Variants in TASP1 observed in about 807,000 individuals in gnomAD.
TASP1 encodes threonine aspartase 1.
In TASP1, 16 loss-of-function variants were observed where a neutral mutation model predicts 56.6. The ratio of observed to expected loss-of-function variants is 0.28; its 90% CI spans 0.19 to 0.43. The LOEUF is 0.43. TASP1 is among the 20% of genes least tolerant of loss of function. TASP1 has a pLI of 1.00. For synonymous variants in TASP1, 179 were observed against 184.2 expected, an observed-to-expected ratio of 0.97 and a Z score of 0.23; for missense variants, 393 against 511.6, an observed-to-expected ratio of 0.77 and a Z score of 2.24.
At chr20:13,501,026 T>C (rs2043926570) in intron 10 of TASP1, among the ~76,000 whole-genome samples, 1 of 152,074 alleles carries the variant, frequency 6.6e-6, no homozygotes, top group South Asian at 2.1e-4. Flanking sequence ...CCACTACAGA[T>C]ACTTCTCACC....
chr20:13,270,204 C>A, the TASP1 span, among the ~76,000 whole-genome samples: 1 of 152,198 alleles, frequency 6.6e-6, no homozygotes, highest in African/African-American at 2.4e-5. Flanking sequence ...TCTAAATGAA[C>A]ACCTGTTCTT....
chr20:13,171,344 T>G, the TASP1 span, among the ~76,000 whole-genome samples: 1 of 152,168 alleles, frequency 6.6e-6, no homozygotes, highest in South Asian at 2.1e-4. Context: ...GTTAATATTT[T>G]AAAATGAAAT....
chr20:13,381,718 G>A, the TASP1 span, among the ~76,000 whole-genome samples: 1 of 152,142 alleles, frequency 6.6e-6, no homozygotes, highest in Non-Finnish European at 1.5e-5. Flanking sequence ...TTTGGAGAGG[G>A]CATCAGTGCT....
the TASP1 span, among the ~76,000 whole-genome samples, chr20:13,246,819 G>T: frequency 6.6e-6 from 1 of 151,538 alleles, no homozygotes; most frequent in Non-Finnish European, 1.5e-5. Context: ...GACTGAACTT[G>T]GTTTTTAATA....
At chr20:13,483,475 C>T in intron 10 of TASP1, 138 bp from the exon 11 acceptor site, 1 of 497,688 alleles carries the variant, frequency 2.0e-6, no homozygotes, top group East Asian at 3.2e-5. Flanking sequence ...GATGAAATGA[C>T]TTCCATGAGC....
At chr20:13,627,520 G>A (rs1270803636) in intron 2 of TASP1, among the ~76,000 whole-genome samples, 2 of 152,276 alleles carry the variant, frequency 1.3e-5, no homozygotes, top group Admixed American at 1.3e-4. Context: ...GGGAGGCCGA[G>A]GCGGGTGGAT....
the TASP1 span, among the ~76,000 whole-genome samples, chr20:13,220,814 C>T: frequency 6.6e-6 from 1 of 152,228 alleles, no homozygotes; most frequent in South Asian, 2.1e-4. Context: ...TCCGGCGCCC[C>T]CTCCGTTTTC....
intron 4 of TASP1, among the ~76,000 whole-genome samples, chr20:13,604,306 G>A (rs1248976527): frequency 6.6e-6 from 1 of 152,136 alleles, no homozygotes; most frequent in African/African-American, 2.4e-5. Context: ...TGTTCTCACA[G>A]TAATTAGTAA....
the TASP1 span, among the ~76,000 whole-genome samples, chr20:13,354,100 T>G: frequency 6.6e-6 from 1 of 152,150 alleles, no homozygotes; most frequent in Non-Finnish European, 1.5e-5. Context: ...GATAGCTCAT[T>G]TTTTTGAAAT....
chr20:13,574,444 C>T (rs142738651), intron 6 of TASP1, among the ~76,000 whole-genome samples: 1 of 152,182 alleles, frequency 6.6e-6, no homozygotes, highest in Admixed American at 6.5e-5. Flanking sequence ...ATAAAAATTA[C>T]CAAGTATGCA....
At chr20:13,310,137 A>G in the TASP1 span, among the ~76,000 whole-genome samples, 170 of 152,352 alleles carry the variant, frequency 1.1e-3, 1 homozygote, top group African/African-American at 3.6e-3. Context: ...AGCCAAAGCA[A>G]TCTTGAGCAA....
chr20:13,416,913 T>C (rs1022673708), intron 13 of TASP1, among the ~76,000 whole-genome samples: 1 of 152,198 alleles, frequency 6.6e-6, no homozygotes, highest in African/African-American at 2.4e-5. Context: ...ATGTGGGACA[T>C]GGACAGAGAC....
At chr20:13,346,238 A>T in the TASP1 span, among the ~76,000 whole-genome samples, 136 of 152,314 alleles carry the variant, frequency 8.9e-4, no homozygotes, top group Non-Finnish European at 1.3e-3. Flanking sequence ...AAAGGCCACT[A>T]CTTTTCTGCT....
At chr20:13,130,105 G>A in the TASP1 span, among the ~76,000 whole-genome samples, 2 of 152,230 alleles carry the variant, frequency 1.3e-5, no homozygotes, top group Non-Finnish European at 2.9e-5. Context: ...AGTTCTGCCT[G>A]ACACATCTTT....
the TASP1 span, among the ~76,000 whole-genome samples, chr20:13,280,133 G>T: frequency 3.6e-4 from 55 of 152,258 alleles, no homozygotes; most frequent in African/African-American, 1.3e-3. Context: ...TATCCGAAGA[G>T]ATAATTTTTT....
At chr20:13,159,951 G>T in the TASP1 span, 2,476 of 1,448,748 alleles carry the variant, frequency 1.7e-3, 24 homozygotes, top group African/African-American at 0.012. Flanking sequence ...GGATAATTTT[G>T]TCTTTTCCCA....
chr20:13,203,709 C>T, the TASP1 span, among the ~76,000 whole-genome samples: 5 of 152,160 alleles, frequency 3.3e-5, no homozygotes, highest in Admixed American at 6.5e-5. Context: ...TCTCTTCATG[C>T]CACAACTTGC....
Position 13,453,441 on chromosome 20 carries a change from AT to A in TASP1, c.986-18288del, listed in dbSNP as rs550459236. On this transcript the variant is annotated intron_variant, in intron 11 of 13. Transcript: ENST00000337743. The stretch of plus-strand genomic sequence containing the variant: ...GTTAACTGTTTAATGGAATTCCAAT[AT>A]GATTTTTAGGTGTTTCAAAAAGTCA... Among the ~76,000 whole-genome samples the A allele has an allele frequency of 5.8e-3, 887 of 152,248 alleles. 9 individuals carry two copies. The highest frequency in any genetic ancestry group is 9.0e-3 in the Non-Finnish European group (609 of 67,996).
intron 11 of TASP1, among the ~76,000 whole-genome samples, chr20:13,475,095 T>C (rs1348500059): frequency 6.6e-6 from 1 of 152,176 alleles, no homozygotes; most frequent in Non-Finnish European, 1.5e-5. Flanking sequence ...CCTACCAACA[T>C]TGTTGAGACT....
Sources: gnomAD v4.1 joint callset for allele counts (sites outside exome capture counted in the v4.1 genomes callset) on GRCh38, gnomAD v4.1.1 for gene constraint, MANE v1.5 for transcripts, NCBI Gene and HGNC (gene_info 2026-07-23, HGNC 2026-07-21) for gene names.